C11orf16: variants seen among roughly 807,000 people sequenced by gnomAD.
C11orf16 encodes uncharacterized protein C11orf16.
C11orf16 carries 38 observed loss-of-function variants against 45.1 expected under a neutral mutation model. That is an observed-to-expected ratio of 0.84 (90% CI 0.65 to 1.10). C11orf16 has a LOEUF of 1.10. C11orf16 is among the 50% of genes least tolerant of loss of function. The pLI is 0.00. For missense variants in C11orf16, 583 were observed against 569.5 expected (o/e 1.02, Z -0.24); for synonymous variants, 221 against 222.0 (o/e 1.00, Z 0.04).
intron 5 of C11orf16, 122 bp downstream of exon 5, chr11:8,925,341 A>G (rs1348314443): frequency 3.3e-6 from 3 of 909,256 alleles, no homozygotes; most frequent in East Asian, 2.4e-5. Context: ...CCAGACTCCC[A>G]AGGATTACTG....
At chr11:8,926,192 T>C (rs993308898) in intron 4 of C11orf16, 85 bp from the exon 5 acceptor site, 9 of 1,262,352 alleles carry the variant, frequency 7.1e-6, no homozygotes, top group Non-Finnish European at 9.5e-6. Flanking sequence ...TTTCTTTTTT[T>C]TTTTTTTTTT....
chr11:8,931,215 T>A (rs2064647828), intron 2 of C11orf16, among the ~76,000 whole-genome samples: 1 of 152,122 alleles, frequency 6.6e-6, no homozygotes, highest in Non-Finnish European at 1.5e-5. Flanking sequence ...GTCTCTTTTT[T>A]TTTTTTTTTG....
In C11orf16 at chr11:8,927,062, G is replaced by A; in HGVS notation, c.437C>T (p.Ser146Leu). 1 of 1,614,122 alleles carries A rather than the reference G, an allele frequency of 6.2e-7. No homozygotes were observed. Among genetic ancestry groups the A allele is most frequent in the Non-Finnish European group, 8.5e-7 (1 of 1,179,998 alleles). ...TCTCAGTGAGTATCCTACAGATGGT[G>A]AGAGAGGAATGACATCCTCTTCTAA... ...VVLEEDVIPL[S>L]PSVGYSLRPG... Residue 146 changes from serine to leucine, a missense_variant, in exon 4 of 7, where the codon TCA becomes TTA. Transcript: ENST00000326053.
At chr11:8,929,744 T>C (rs1377541544) in intron 2 of C11orf16, among the ~76,000 whole-genome samples, 1 of 152,200 alleles carries the variant, frequency 6.6e-6, no homozygotes, top group Admixed American at 6.5e-5. Flanking sequence ...GGAACCATCC[T>C]TGGTGGATTG....
At position 8,927,164 on chromosome 11, in the gene C11orf16, T is replaced by C; in HGVS notation, c.335A>G (p.Gln112Arg). 1.2e-6 allele frequency: 2 copies of C among 1,613,438 alleles called. No individual in the cohort carries two copies. Among genetic ancestry groups the C allele is most frequent in the Non-Finnish European group, 1.7e-6 (2 of 1,179,644 alleles). Residue 112 changes from glutamine to arginine, a missense_variant, in exon 4 of 7, where the codon CAG becomes CGG. Transcript: ENST00000326053. ...CTCGAATTCCACAAGCAGGACCCCC[T>C]GTCTCTCCAGCTGTGGGAAAGAAAA... ...QIKATPELER[Q>R]GVLLVEFEAP... is the part of the protein sequence containing the mutation.
chr11:8,928,097 G>A (rs947113381), intron 3 of C11orf16, among the ~76,000 whole-genome samples: 1 of 152,016 alleles, frequency 6.6e-6, no homozygotes, highest in Admixed American at 6.6e-5. Flanking sequence ...TAGTAGAGAC[G>A]GGGTGTCACC....
Position 8,921,358 on chromosome 11 carries a change from A to G in C11orf16, c.1362T>C (p.Ser454=), listed in dbSNP as rs199899495. The part of the protein sequence containing the change: ...PPGEAEHRKR[S]QSLAICQWNK... Reference sequence around the variant, plus strand: ...TCCACTGACATATTGCAAGGCTCTGACTCCGCTTTCTGTGTTCAGCTTCCC... The same window carrying G: ...TCCACTGACATATTGCAAGGCTCTGGCTCCGCTTTCTGTGTTCAGCTTCCC... The change falls in exon 6 of 7, where the codon AGT becomes AGC. Residue 454 remains serine (S), a synonymous_variant. Coordinates refer to ENST00000326053, the MANE Select transcript of C11orf16 (RefSeq NM_020643.3). The G allele has an allele frequency of 5.3e-5, 85 of 1,613,474 alleles. No individual in the cohort carries two copies. In the Admixed American group the frequency reaches 1.1e-3, roughly 21 times the overall value.
intron 3 of C11orf16, chr11:8,927,426 C>G: frequency 3.6e-6 from 2 of 553,644 alleles, no homozygotes; most frequent in South Asian, 3.9e-5. Context: ...CTTCCTGCCT[C>G]TGCCTTTCCA....
chr11:8,925,453 C>G lies in C11orf16; in HGVS notation c.1204+10G>C. The G allele has an allele frequency of 6.2e-7, 1 of 1,607,514 alleles. No individual in the cohort carries two copies. Among genetic ancestry groups the G allele is most frequent in the African/African-American group, 1.3e-5 (1 of 74,922 alleles). On this transcript the variant is annotated intron_variant, in intron 5 of 6. Transcript: ENST00000326053. The stretch of plus-strand genomic sequence containing the variant: ...CTGCCTTAGAAAGCAAGCCCACTCC[C>G]CTGGTATACCTGGCTTCCCAAGGCA...
intron 5 of C11orf16, among the ~76,000 whole-genome samples, chr11:8,923,685 A>C (rs1410733421): frequency 6.6e-6 from 1 of 151,712 alleles, no homozygotes; most frequent in Admixed American, 6.6e-5. Context: ...GTAGTGGCTT[A>C]CCCTGCCTCC....
chr11:8,926,509 A>G (rs1281739553), intron 4 of C11orf16, among the ~76,000 whole-genome samples: 1 of 151,918 alleles, frequency 6.6e-6, no homozygotes, highest in Non-Finnish European at 1.5e-5. Flanking sequence ...CTCCTGGACT[A>G]CAGTGGCCTG....
In C11orf16 at chr11:8,929,469, C is replaced by T; in HGVS notation, c.232G>A (p.Gly78Arg). The T allele has an allele frequency of 6.2e-7, 1 of 1,614,144 alleles. No homozygotes were observed. ...DPAWQGPGWL[G>R]RAGDAANTWV... ...GTGTTGGCAGCATCTCCAGCTCTTC[C>T]CAGCCAGCCAGGCCCCTGCCATGCT... Residue 78 changes from glycine (G) to arginine (R), a missense_variant, in exon 3 of 7, where the codon GGA becomes AGA. Transcript: ENST00000326053.
chr11:8,930,424 CAAAAAAAAAA>C (rs11303185), intron 2 of C11orf16, among the ~76,000 whole-genome samples: 2 of 58,416 alleles, frequency 3.4e-5, no homozygotes, highest in African/African-American at 1.4e-4. Context: ...GACTCTGTCT[CAAAAAAAAAA>C]AAAAAAAAAA....
At chr11:8,929,657 T>C (rs2064637901) in intron 2 of C11orf16, 124 bp from the exon 3 acceptor site, 6 of 948,572 alleles carry the variant, frequency 6.3e-6, no homozygotes, top group Non-Finnish European at 7.6e-6. Context: ...CAGAAATCCA[T>C]ATGGAAAGTG....
At chr11:8,926,763 G>C (rs568025954) in intron 4 of C11orf16, among the ~76,000 whole-genome samples, 177 bp downstream of exon 4, 8 of 152,160 alleles carry the variant, frequency 5.3e-5, no homozygotes, top group African/African-American at 1.4e-4. Flanking sequence ...AAGATACACT[G>C]TGCATCTTGA....
At chr11:8,921,640 A>T in intron 5 of C11orf16, 125 bp from the exon 6 acceptor site, 1 of 927,324 alleles carries the variant, frequency 1.1e-6, no homozygotes, top group Non-Finnish European at 1.6e-6. Context: ...TTTATTATGT[A>T]TTTGAGACAG....
At position 8,925,815 on chromosome 11, in the gene C11orf16, G is replaced by T. The variant is rs2064606647; in HGVS notation, c.852C>A (p.Gly284=). Reference sequence around the variant, plus strand: ...ACCAAGTCGTGCCACATGGCGGGCAGCCACAGAGGCAGCCCTGGCACAGTA... The same window carrying T: ...ACCAAGTCGTGCCACATGGCGGGCATCCACAGAGGCAGCCCTGGCACAGTA... ...CQLLCQGCLC[G]CPPCGTTWWP... The change falls in exon 5 of 7, where the codon GGC becomes GGA. Residue 284 remains glycine (G), a synonymous_variant. Coordinates refer to ENST00000326053, the MANE Select transcript of C11orf16 (RefSeq NM_020643.3). The T allele has an allele frequency of 2.5e-6, 4 of 1,614,206 alleles. No individual in the cohort carries two copies. The highest frequency in any genetic ancestry group is 3.4e-6 in the Non-Finnish European group (4 of 1,180,042).
intron 2 of C11orf16, among the ~76,000 whole-genome samples, chr11:8,930,475 C>T (rs1040121085): frequency 1.4e-5 from 2 of 144,450 alleles, no homozygotes; most frequent in African/African-American, 2.6e-5. Flanking sequence ...AATCCTAAGG[C>T]GGCGTGTGGG....
In C11orf16 at chr11:8,932,150, G is replaced by A. The variant is rs1336486684; in HGVS notation, c.159C>T (p.Pro53=). The change falls in exon 2 of 7, where the codon CCC becomes CCT. Residue 53 remains proline, a synonymous_variant. Coordinates refer to ENST00000326053, the MANE Select transcript of C11orf16 (RefSeq NM_020643.3). ...LQAPWLTGHK[P]LARHASSCPC... is the part of the protein sequence containing the mutation. ...GGGGCAGAGACAGGTACCTTGCAAGGGGCTTGTGCCCGGTGAGCCAGGGTG... is the reference window on the plus strand; with the variant it reads ...GGGGCAGAGACAGGTACCTTGCAAGAGGCTTGTGCCCGGTGAGCCAGGGTG... 1 of 1,580,498 alleles carries A rather than the reference G, an allele frequency of 6.3e-7. No homozygotes were observed.
Sources: allele counts gnomAD v4.1 joint callset (sites outside exome capture counted in the v4.1 genomes callset), GRCh38; gene constraint gnomAD v4.1.1; transcripts MANE v1.5; gene names NCBI Gene and HGNC (gene_info 2026-07-23, HGNC 2026-07-21).